The following KATNAL2 variants were observed in gnomAD, a reference collection of about 807,000 sequenced individuals.
KATNAL2 encodes the protein katanin catalytic subunit A1 like 2.
In KATNAL2, 52 loss-of-function variants were observed where a neutral mutation model predicts 76.3. The ratio of observed to expected loss-of-function variants is 0.68; its 90% CI spans 0.55 to 0.86. KATNAL2 has a LOEUF of 0.86. Among genes scored for constraint, KATNAL2 ranks in the 40% least tolerant of loss-of-function variants. The probability of loss-of-function intolerance (pLI) is 0.00; values close to 1 mark genes in which losing one functional copy is unlikely to be tolerated. For synonymous variants in KATNAL2, 243 were observed against 244.2 expected, an observed-to-expected ratio of 1.00 and a Z score of 0.05; for missense variants, 660 against 668.9, an observed-to-expected ratio of 0.99 and a Z score of 0.15.
At chr18:46,924,227 T>C (rs1054925486) in intron 1 of KATNAL2, among the ~76,000 whole-genome samples, 1 of 152,256 alleles carries the variant, frequency 6.6e-6, no homozygotes, top group Non-Finnish European at 1.5e-5. Flanking sequence ...TTTAAGTCTT[T>C]AATCCATCTT....
intron 5 of KATNAL2, among the ~76,000 whole-genome samples, chr18:47,053,937 T>C (rs2061403510): frequency 6.6e-6 from 1 of 152,178 alleles, no homozygotes; most frequent in Non-Finnish European, 1.5e-5. Context: ...CTAGTTCCCA[T>C]CTAGCATGAT....
At chr18:47,095,082 G>A (rs978202233) in intron 15 of KATNAL2, among the ~76,000 whole-genome samples, 2 of 152,082 alleles carry the variant, frequency 1.3e-5, no homozygotes, top group African/African-American at 4.8e-5. Context: ...GTTCTACTAA[G>A]TTTCTTTTAC....
chr18:47,061,958 T>C (rs769146694), intron 8 of KATNAL2, among the ~76,000 whole-genome samples: 1 of 151,920 alleles, frequency 6.6e-6, no homozygotes, highest in Admixed American at 6.6e-5. Flanking sequence ...AGAGATTAAG[T>C]GGGTTTAAAT....
intron 3 of KATNAL2, among the ~76,000 whole-genome samples, chr18:47,044,761 CA>C (rs34331798): frequency 4.8e-5 from 4 of 82,722 alleles, no homozygotes; most frequent in Admixed American, 1.4e-4. Context: ...GATTCCTTCT[CA>C]AAAAAAAAAC....
intron 15 of KATNAL2, among the ~76,000 whole-genome samples, chr18:47,080,157 AT>A (rs747945037): frequency 1.3e-5 from 2 of 152,134 alleles, no homozygotes; most frequent in Admixed American, 6.5e-5. Context: ...GAAAAGCAGG[AT>A]TTTTTTCTCT....
intron 11 of KATNAL2, among the ~76,000 whole-genome samples, chr18:47,068,960 C>CATAT (rs2061903368): frequency 6.6e-6 from 1 of 152,214 alleles, no homozygotes. Context: ...GAAATACCTA[C>CATAT]ATATACCTTT....
intron 15 of KATNAL2, 45 bp from the exon 16 acceptor site, chr18:47,099,198 G>C: frequency 6.4e-7 from 1 of 1,550,966 alleles, no homozygotes; most frequent in Non-Finnish European, 8.7e-7. Flanking sequence ...TGTTCAGGAA[G>C]TGTGTTTGCA....
chr18:47,086,380 G>T (rs1338858210), intron 15 of KATNAL2, among the ~76,000 whole-genome samples: 1 of 152,022 alleles, frequency 6.6e-6, no homozygotes, highest in African/African-American at 2.4e-5. Context: ...GCAGTGGCAC[G>T]ATCTCGGCTC....
Position 47,075,366 on chromosome 18 carries a change from TG to T in KATNAL2, c.1100+1del. ...SVMSQRGTAS[G>X]GEHEGSLRMK... ...TGATGAGTCAGAGAGGCACAGCTTC[TG>T]GGTAACAGACAGGGTTGGGGTTTTT... On this transcript the variant is annotated frameshift_variant and splice_region_variant, in exon 14 of 18. Coordinates refer to ENST00000683218, the MANE Select transcript of KATNAL2 (RefSeq NM_001387690.1). LOFTEE classifies it high-confidence loss of function. 1 of 1,527,190 alleles carries T rather than the reference TG, an allele frequency of 6.5e-7. No individual in the cohort carries two copies. 94.6% of individuals were successfully genotyped at this position (1,527,190 alleles called of 1,614,324 possible).
intron 3 of KATNAL2, among the ~76,000 whole-genome samples, chr18:47,032,368 C>T (rs2060508565): frequency 6.6e-6 from 1 of 152,196 alleles, no homozygotes; most frequent in Non-Finnish European, 1.5e-5. Flanking sequence ...CACCTCAGCC[C>T]TTTAAGAAGC....
chr18:46,938,977 G>A lies in KATNAL2; in HGVS notation c.-509-7080G>A, dbSNP rs565681539. 6.6e-4 allele frequency among the ~76,000 whole-genome samples: 100 copies of A among 152,280 alleles called. 1 individual carries two copies. The highest frequency in any genetic ancestry group is 7.8e-4 in the Admixed American group (12 of 15,288). ...CTAGCATATAAGTTCAGTGAAGGCA[G>A]GGACTTTATTCTCTATTCTATCCCC... On this transcript the variant is annotated intron_variant, in intron 1 of 17. Coordinates refer to ENST00000683218, the MANE Select transcript of KATNAL2 (RefSeq NM_001387690.1).
chr18:46,931,103 A>AAATAATAATAATAATAAT lies in KATNAL2; in HGVS notation c.-510+13198_-510+13215dup, dbSNP rs36168863. ...CAATAGAGTGAGACTCCGTCTCAGG[A>AAATAATAATAATAATAAT]AATAATAATAATAATAATAATAATA... On this transcript the variant is annotated intron_variant, in intron 1 of 17. Coordinates refer to ENST00000683218, the MANE Select transcript of KATNAL2 (RefSeq NM_001387690.1). Among the ~76,000 whole-genome samples, 7 of 105,538 alleles carry AAATAATAATAATAATAAT rather than the reference A, an allele frequency of 6.6e-5. 1 individual carries two copies. The highest frequency in any genetic ancestry group is 1.4e-4 in the African/African-American group (4 of 28,520). The allele number at this position is 105,538 out of a possible 152,430, so 69.2% of individuals were successfully genotyped here.
intron 3 of KATNAL2, among the ~76,000 whole-genome samples, chr18:47,039,822 C>A (rs1441452146): frequency 2.0e-5 from 3 of 152,184 alleles, no homozygotes; most frequent in African/African-American, 2.4e-5. Flanking sequence ...CAATTACTAT[C>A]CCTAATATTG....
chr18:47,041,082 C>A (rs778001074), intron 3 of KATNAL2, among the ~76,000 whole-genome samples: 2 of 152,176 alleles, frequency 1.3e-5, no homozygotes, highest in Non-Finnish European at 2.9e-5. Context: ...GTTTTAGATT[C>A]ACAGCCAAAT....
At chr18:47,055,568 C>T (rs977066798) in intron 6 of KATNAL2, among the ~76,000 whole-genome samples, 8 of 152,166 alleles carry the variant, frequency 5.3e-5, no homozygotes, top group African/African-American at 1.9e-4. Flanking sequence ...TACTTGGCCT[C>T]GGGCTACCTT....
At chr18:47,033,278 C>T (rs1366849961) in intron 3 of KATNAL2, 1 of 1,613,532 alleles carries the variant, frequency 6.2e-7, no homozygotes, top group Non-Finnish European at 8.5e-7. Flanking sequence ...TCAGCGTCTC[C>T]TGCAGACTTC....
At chr18:46,928,311 C>A (rs1292202587) in intron 1 of KATNAL2, among the ~76,000 whole-genome samples, 3 of 152,144 alleles carry the variant, frequency 2.0e-5, no homozygotes, top group Non-Finnish European at 4.4e-5. Flanking sequence ...CCAGACAGGA[C>A]CCTCAGCTGC....
intron 6 of KATNAL2, among the ~76,000 whole-genome samples, chr18:47,057,904 A>G (rs1231439605): frequency 1.3e-5 from 2 of 152,236 alleles, no homozygotes; most frequent in Non-Finnish European, 2.9e-5. Flanking sequence ...GGTGGAAGGA[A>G]CAATGGAAGA....
rs201818139 is a variant in KATNAL2 at position 47,034,753 on chromosome 18, G to C, written c.52-11704G>C. The C allele has an allele frequency of 1.0e-4, 164 of 1,612,838 alleles. No individual in the cohort carries two copies. The East Asian group carries it at 3.5e-3, about 35-fold the overall frequency. ...CCGGAGGGGAGCTGTGCGCGTTGGA[G>C]AGGCCCGATAGCGGCCGGAATCAGC... On this transcript the variant is annotated intron_variant, in intron 3 of 17. Transcript: ENST00000683218.
Sources: allele counts gnomAD v4.1 joint callset (sites outside exome capture counted in the v4.1 genomes callset), GRCh38; gene constraint gnomAD v4.1.1; transcripts MANE v1.5; gene names NCBI Gene and HGNC (gene_info 2026-07-23, HGNC 2026-07-21).